Variants in GLYATL3 observed in about 807,000 individuals in gnomAD.
The protein encoded by GLYATL3 is glycine-N-acyltransferase like 3.
GLYATL3 carries 31 observed loss-of-function variants against 28.5 expected under a neutral mutation model. The observed-to-expected ratio is 1.09, with a 90% CI of 0.82 to 1.47. The LOEUF is 1.47. Ranked by LOEUF, GLYATL3 falls within the 40% of genes most tolerant of loss-of-function variation. The probability of loss-of-function intolerance (pLI) is 0.00; values close to 1 mark genes in which losing one functional copy is unlikely to be tolerated. For synonymous variants in GLYATL3, 141 were observed against 140.2 expected (o/e 1.01, Z -0.04); for missense variants, 369 against 351.5 (o/e 1.05, Z -0.40).
chr6:49,522,419 T>G (rs2127239334), intron 5 of GLYATL3, among the ~76,000 whole-genome samples: 2 of 152,368 alleles, frequency 1.3e-5, no homozygotes, highest in South Asian at 4.1e-4. Context: ...CCCTGCTCTG[T>G]CATTTACTAA....
chr6:49,500,243 G>A (rs1331762867), intron 1 of GLYATL3, among the ~76,000 whole-genome samples: 5 of 152,018 alleles, frequency 3.3e-5, no homozygotes, highest in East Asian at 1.9e-4. Context: ...ATTTTGATAT[G>A]AGGAAAATTT....
At chr6:49,508,051 C>T (rs1769045375) in intron 1 of GLYATL3, among the ~76,000 whole-genome samples, 1 of 152,090 alleles carries the variant, frequency 6.6e-6, no homozygotes, top group Non-Finnish European at 1.5e-5. Flanking sequence ...AAAACAGAAA[C>T]ACAGGGAGGC....
chr6:49,514,125 A>G (rs1056405539), intron 2 of GLYATL3, among the ~76,000 whole-genome samples: 5 of 152,192 alleles, frequency 3.3e-5, no homozygotes, highest in Non-Finnish European at 4.4e-5. Context: ...CCACTACTAC[A>G]GAGAAAGAAA....
chr6:49,507,969 T>G (rs1299542849), intron 1 of GLYATL3, among the ~76,000 whole-genome samples: 1 of 152,150 alleles, frequency 6.6e-6, no homozygotes, highest in Non-Finnish European at 1.5e-5. Flanking sequence ...AATATCTGTA[T>G]GCAGAAGTAC....
Position 49,527,759 on chromosome 6 carries a change from G to A in GLYATL3, c.*845G>A, listed in dbSNP as rs1222358812. ...ATATAAAACTAAGATTTATATATAGGGGTGTTTGGGGGTATGCAAATGAAT... is the reference window on the plus strand; with the variant it reads ...ATATAAAACTAAGATTTATATATAGAGGTGTTTGGGGGTATGCAAATGAAT... On this transcript the variant is annotated 3_prime_UTR_variant, in exon 6 of 6. Coordinates refer to ENST00000371197, the MANE Select transcript of GLYATL3 (RefSeq NM_001010904.2). Among the ~76,000 whole-genome samples, 2 of 151,956 alleles carry A rather than the reference G, an allele frequency of 1.3e-5. No individual in the cohort carries two copies. Among genetic ancestry groups the A allele is most frequent in the Admixed American group, 6.6e-5 (1 of 15,256 alleles).
chr6:49,512,171 T>C (rs1561977521), intron 2 of GLYATL3, 103 bp downstream of exon 2: 1 of 545,810 alleles, frequency 1.8e-6, no homozygotes, highest in Non-Finnish European at 3.2e-6. Context: ...AATAAGACTC[T>C]CTAGGAGCAC....
rs568622452 is a variant in GLYATL3, at chr6:49,509,924, T to C, written c.-28-2039T>C. ...TTAATTTAAACTTAATTATTTTTCT[T>C]GATATATTTTACGTATTTTCTTTCT... On this transcript the variant is annotated intron_variant, in intron 1 of 5. Transcript: ENST00000371197. 4.1e-5 allele frequency among the ~76,000 whole-genome samples: 6 copies of C among 145,710 alleles called. No individual in the cohort carries two copies. In the East Asian group the frequency reaches 1.2e-3, roughly 29 times the overall value.
At chr6:49,508,158 T>C (rs9381791) in intron 1 of GLYATL3, among the ~76,000 whole-genome samples, 80,676 of 151,324 alleles carry the variant, frequency 0.53, 22,784 homozygotes, top group Non-Finnish European at 0.65. Context: ...TAGCCGGGTG[T>C]GGTGGCGGGC....
chr6:49,519,084 G>GA (rs1170466596), intron 4 of GLYATL3, among the ~76,000 whole-genome samples: 39 of 152,184 alleles, frequency 2.6e-4, no homozygotes, highest in Non-Finnish European at 5.9e-5. Flanking sequence ...AGCCAATTTA[G>GA]AAAAAAATGT....
intron 5 of GLYATL3, among the ~76,000 whole-genome samples, chr6:49,522,973 T>C (rs1376731588): frequency 6.6e-6 from 1 of 151,812 alleles, no homozygotes; most frequent in East Asian, 1.9e-4. Flanking sequence ...TATGTAACTC[T>C]AAAAAATGAG....
At position 49,526,724 on chromosome 6, in the gene GLYATL3, A is replaced by T. The variant is rs1425428561; in HGVS notation, c.677A>T (p.Tyr226Phe). The T allele has an allele frequency of 6.4e-7, 1 of 1,551,766 alleles. No homozygotes were observed. Residue 226 changes from tyrosine (Y) to phenylalanine (F), a missense_variant, in exon 6 of 6, where the codon TAC becomes TTC. Tyr to Phe is a conservative substitution (Grantham distance 22). Coordinates refer to ENST00000371197, the MANE Select transcript of GLYATL3 (RefSeq NM_001010904.2). The stretch of plus-strand genomic sequence containing the variant: ...CTGCCAGAACATCGCAGGAAAGGTT[A>T]CAGCCGGCTGGTGGCCCTCACGCTG... ...YTLPEHRRKG[Y>F]SRLVALTLAR...
chr6:49,505,576 T>G (rs563916373), intron 1 of GLYATL3, among the ~76,000 whole-genome samples: 26 of 152,272 alleles, frequency 1.7e-4, no homozygotes, highest in African/African-American at 6.3e-4. Context: ...TCCTAGAAAT[T>G]GAAAGAATTT....
chr6:49,511,476 C>T (rs1035596658), intron 1 of GLYATL3, among the ~76,000 whole-genome samples: 18 of 152,184 alleles, frequency 1.2e-4, no homozygotes, highest in African/African-American at 4.3e-4. Context: ...TGTTTTCCAA[C>T]TTAGCTCGAG....
chr6:49,500,713 C>T (rs976682955), intron 1 of GLYATL3, among the ~76,000 whole-genome samples: 3 of 152,150 alleles, frequency 2.0e-5, no homozygotes, highest in Middle Eastern at 3.2e-3. Context: ...AGTTACCAAC[C>T]TTTAACTTCC....
chr6:49,509,574 T>C (rs1769075802), intron 1 of GLYATL3, among the ~76,000 whole-genome samples: 2 of 152,014 alleles, frequency 1.3e-5, no homozygotes, highest in Admixed American at 6.5e-5. Context: ...AAACAGACCA[T>C]GAAAAGGGCA....
chr6:49,512,829 A>G (rs1292380338), intron 2 of GLYATL3, among the ~76,000 whole-genome samples: 8 of 152,258 alleles, frequency 5.3e-5, no homozygotes, highest in African/African-American at 1.9e-4. Flanking sequence ...GTACATTAAA[A>G]TTTGAACAAA....
At chr6:49,507,523 A>G (rs987613885) in intron 1 of GLYATL3, among the ~76,000 whole-genome samples, 2 of 152,212 alleles carry the variant, frequency 1.3e-5, no homozygotes, top group African/African-American at 4.8e-5. Flanking sequence ...TTGTCGCATA[A>G]TAGCCCTGGA....
chr6:49,500,707 A>G (rs1001879653), intron 1 of GLYATL3, among the ~76,000 whole-genome samples: 2 of 152,344 alleles, frequency 1.3e-5, no homozygotes, highest in African/African-American at 4.8e-5. Context: ...TAAAGGAGTT[A>G]CCAACCTTTA....
At position 49,526,902 on chromosome 6, in the gene GLYATL3, G is replaced by A; in HGVS notation, c.855G>A (p.Leu285=). ...LILTPATFSG[L]PHL ...TCACCCCTGCGACTTTCTCTGGCCT[G>A]CCTCACCTCTAGCCCAGTAAAAAAC... is the stretch of plus-strand genomic sequence containing the variant. The change falls in exon 6 of 6, where the codon CTG becomes CTA. Residue 285 remains leucine, a synonymous_variant. Coordinates refer to ENST00000371197, the MANE Select transcript of GLYATL3 (RefSeq NM_001010904.2). 2.0e-6 allele frequency: 3 copies of A among 1,531,360 alleles called. No individual in the cohort carries two copies. In the South Asian group the frequency reaches 3.7e-5, roughly 19 times the overall value. 94.9% of individuals were successfully genotyped at this position (1,531,360 alleles called of 1,614,324 possible).
Sources: gnomAD v4.1 joint callset for allele counts (sites outside exome capture counted in the v4.1 genomes callset) on GRCh38, gnomAD v4.1.1 for gene constraint, MANE v1.5 for transcripts, NCBI Gene and HGNC (gene_info 2026-07-23, HGNC 2026-07-21) for gene names.